LAMA4: variants seen among roughly 807,000 people sequenced by gnomAD.
LAMA4 encodes the protein laminin subunit alpha 4.
Under a neutral mutation model 207.1 loss-of-function variants are expected in LAMA4, and 127 were observed. The observed-to-expected ratio is 0.61, with a 90% CI of 0.53 to 0.71. LAMA4 has a LOEUF of 0.71. Among genes scored for constraint, LAMA4 ranks in the 30% least tolerant of loss-of-function variants. The probability of loss-of-function intolerance (pLI) is 0.00; values close to 1 mark genes in which losing one functional copy is unlikely to be tolerated. For synonymous variants in LAMA4, 761 were observed against 816.0 expected, an observed-to-expected ratio of 0.93 and a Z score of 1.15; for missense variants, 2,093 against 2,246.5, an observed-to-expected ratio of 0.93 and a Z score of 1.38.
intron 5 of LAMA4, among the ~76,000 whole-genome samples, chr6:112,194,287 G>T (rs879958776): frequency 6.6e-6 from 1 of 152,208 alleles, no homozygotes; most frequent in African/African-American, 2.4e-5. Context: ...GAGTGAAGGG[G>T]CTTGCCCAAG....
intron 2 of LAMA4, among the ~76,000 whole-genome samples, chr6:112,240,410 T>C (rs1287074065): frequency 6.6e-6 from 1 of 152,194 alleles, no homozygotes; most frequent in East Asian, 1.9e-4. Context: ...ACAATCCAAT[T>C]ACATCAAGTT....
chr6:112,209,298 G>C (rs1234964132), intron 3 of LAMA4, among the ~76,000 whole-genome samples: 5 of 152,136 alleles, frequency 3.3e-5, no homozygotes, highest in Non-Finnish European at 7.3e-5. Flanking sequence ...TGACTACTGT[G>C]TTGCAAAAAT....
rs782600342 is a variant in LAMA4 at position 112,254,085 on chromosome 6, G to A, written c.66C>T (p.Ser22=). ...CGTTGTCGTCCCCGGACGCGGCGCG[G>A]GAGCAGGCAGCGCTCCAGAGGAGCC... is the stretch of plus-strand genomic sequence containing the variant. The part of the protein sequence containing the change: ...PLWLLWSAAC[S]RAASGDDNAF... Residue 22 remains serine (S), a synonymous_variant, in exon 2 of 39, where the codon TCC becomes TCT. Coordinates refer to ENST00000230538, the MANE Select transcript of LAMA4 (RefSeq NM_001105206.3). 4 of 1,612,240 alleles carry A rather than the reference G, an allele frequency of 2.5e-6. No homozygotes were observed. The highest frequency in any genetic ancestry group is 3.4e-6 in the Non-Finnish European group (4 of 1,179,630).
intron 11 of LAMA4, among the ~76,000 whole-genome samples, chr6:112,174,355 G>C (rs1267670823): frequency 6.6e-6 from 1 of 152,244 alleles, no homozygotes; most frequent in African/African-American, 2.4e-5. Flanking sequence ...GCCAGCCCCA[G>C]ACATCTGAGT....
chr6:112,167,853 C>T (rs1288800615), intron 12 of LAMA4, among the ~76,000 whole-genome samples: 19 of 62,134 alleles, frequency 3.1e-4, no homozygotes, highest in African/African-American at 8.0e-4. Flanking sequence ...CACACACACA[C>T]ACACACACAC....
Position 112,117,994 on chromosome 6 carries a change from G to C in LAMA4, c.4822-96C>G, listed in dbSNP as rs745602843. ...GGGTTTGAGTCCTGAAGGAACCCAC[G>C]TAATTCCTTGTTTCATTTATTTCAG... On this transcript the variant is annotated intron_variant, in intron 34 of 38. Transcript: ENST00000230538. The surrounding 1 kb of genome is among the most constrained non-coding windows in gnomAD (Gnocchi z 4.5). The C allele has an allele frequency of 4.3e-6, 4 of 932,630 alleles. No individual in the cohort carries two copies. Among genetic ancestry groups the C allele is most frequent in the East Asian group, 5.1e-5 (2 of 38,952 alleles). 57.8% of individuals were successfully genotyped at this position (932,630 alleles called of 1,614,324 possible). A position where few individuals can be genotyped will look rare whatever the true frequency, so the allele number is the denominator to read the frequency against.
In LAMA4 at chr6:112,159,662, C is replaced by A. The variant is rs146993498; in HGVS notation, c.1669-782G>T. ...CACCCCCATCTGATTGTAAACAGAT[C>A]ACTTTATTTTCTTTTTTATTTGGAG... On this transcript the variant is annotated intron_variant, in intron 13 of 38. Coordinates refer to ENST00000230538, the MANE Select transcript of LAMA4 (RefSeq NM_001105206.3). The A allele has an allele frequency of 2.6e-5, 4 of 152,460 alleles. No homozygotes were observed. The East Asian group carries it at 7.7e-4, about 29-fold the overall frequency. The allele number at this position is 152,460 out of a possible 1,614,324, so 9.4% of individuals were successfully genotyped here. A position where few individuals can be genotyped will look rare whatever the true frequency, so the allele number is the denominator to read the frequency against.
intron 24 of LAMA4, among the ~76,000 whole-genome samples, chr6:112,138,643 A>G (rs1554332194): frequency 6.6e-6 from 1 of 152,090 alleles, no homozygotes; most frequent in Non-Finnish European, 1.5e-5. Context: ...CCTTTATTAC[A>G]AGCTTTGACT....
chr6:112,168,722 C>T (rs1413099266), intron 12 of LAMA4, among the ~76,000 whole-genome samples: 1 of 151,950 alleles, frequency 6.6e-6, no homozygotes, highest in Non-Finnish European at 1.5e-5. Flanking sequence ...ACATTTTTCT[C>T]ATGGCAGGGA....
At chr6:112,190,622 C>T (rs1782962222) in intron 6 of LAMA4, among the ~76,000 whole-genome samples, 1 of 152,202 alleles carries the variant, frequency 6.6e-6, no homozygotes, top group South Asian at 2.1e-4. Flanking sequence ...AAGAGCTTCA[C>T]TCTATGTGGC....
chr6:112,121,181 A>C (rs1344378611), intron 32 of LAMA4, among the ~76,000 whole-genome samples: 2 of 152,222 alleles, frequency 1.3e-5, no homozygotes, highest in African/African-American at 4.8e-5. Context: ...GTTGTGCACT[A>C]TCTAAAACAC....
At chr6:112,183,412 T>C (rs1782481180) in intron 9 of LAMA4, among the ~76,000 whole-genome samples, 1 of 152,160 alleles carries the variant, frequency 6.6e-6, no homozygotes, top group Non-Finnish European at 1.5e-5. Flanking sequence ...TGGGTGAAAG[T>C]TCCTAGTAGC....
chr6:112,184,325 A>G (rs1389782676), intron 9 of LAMA4, among the ~76,000 whole-genome samples: 6 of 103,206 alleles, frequency 5.8e-5, no homozygotes, highest in Admixed American at 1.8e-4. Context: ...ATATCATTAG[A>G]AAAAAAAAAA....
chr6:112,178,991 T>C (rs1371109265), intron 9 of LAMA4: 10 of 152,202 alleles, frequency 6.6e-5, no homozygotes, highest in African/African-American at 2.2e-4. Flanking sequence ...ACTGCTGAAA[T>C]TGAATTACCA....
chr6:112,174,574 C>A (rs1204920651), intron 11 of LAMA4, among the ~76,000 whole-genome samples: 2 of 152,200 alleles, frequency 1.3e-5, no homozygotes, highest in African/African-American at 4.8e-5. Flanking sequence ...CTCACTGCAA[C>A]CTCCGCCTCC....
chr6:112,209,331 C>T (rs1784238386), intron 3 of LAMA4, among the ~76,000 whole-genome samples: 1 of 152,154 alleles, frequency 6.6e-6, no homozygotes, highest in African/African-American at 2.4e-5. Flanking sequence ...AATTCTGTCC[C>T]CTTATGGCTC....
chr6:112,235,713 T>C (rs1471092350), intron 2 of LAMA4, among the ~76,000 whole-genome samples: 1 of 152,180 alleles, frequency 6.6e-6, no homozygotes, highest in African/African-American at 2.4e-5. Context: ...ATCAAGGATG[T>C]TTTGTTTATT....
chr6:112,216,437 C>G lies in LAMA4; in HGVS notation c.228G>C (p.Ser76=), dbSNP rs200589775. The stretch of plus-strand genomic sequence containing the variant: ...TACAGTCGCAGGGCACACATTCTCC[C>G]GACAGGGTGTGAAAGAATCCAGCAT... The part of the protein sequence containing the change: ...KCNAGFFHTL[S]GECVPCDCNG... Residue 76 remains serine, a synonymous_variant, in exon 3 of 39, where the codon TCG becomes TCC. Transcript: ENST00000230538. The G allele has an allele frequency of 1.9e-6, 3 of 1,613,806 alleles. No homozygotes were observed. Among genetic ancestry groups the G allele is most frequent in the Non-Finnish European group, 1.7e-6 (2 of 1,179,824 alleles).
intron 29 of LAMA4, 58 bp from the exon 30 acceptor site, chr6:112,130,098 C>A (rs1778939765): frequency 1.4e-6 from 2 of 1,448,556 alleles, no homozygotes; most frequent in Admixed American, 3.4e-5. Context: ...CCTTGACCCA[C>A]TCTAGGTTGG....
Sources: gnomAD v4.1 joint callset for allele counts (sites outside exome capture counted in the v4.1 genomes callset) on GRCh38, gnomAD v4.1.1 for gene constraint, Gnocchi (gnomAD v3.1) non-coding constraint, MANE v1.5 for transcripts, NCBI Gene and HGNC (gene_info 2026-07-23, HGNC 2026-07-21) for gene names.